SOX6: variants seen among roughly 807,000 people sequenced by gnomAD.
SOX6 encodes SRY-box transcription factor 6.
SOX6 carries 11 observed loss-of-function variants against 97.8 expected under a neutral mutation model. That is an observed-to-expected ratio of 0.11 (90% CI 0.07 to 0.19). SOX6 has a LOEUF of 0.19. Ranked by LOEUF, SOX6 falls within the 10% of genes least tolerant of loss-of-function variation. The pLI, the probability that SOX6 is intolerant of heterozygous loss-of-function variation, is 1.00. For missense variants in SOX6, 810 were observed against 1,039.5 expected, an observed-to-expected ratio of 0.78 and a Z score of 3.04; for synonymous variants, 360 against 371.4, an observed-to-expected ratio of 0.97 and a Z score of 0.35.
chr11:16,249,004 G>A (rs1853425963), intron 3 of SOX6, among the ~76,000 whole-genome samples: 1 of 151,902 alleles, frequency 6.6e-6, no homozygotes, highest in African/African-American at 2.4e-5. Context: ...GGGAAGCTGA[G>A]GCAGGAAAAT....
intron 2 of SOX6, among the ~76,000 whole-genome samples, chr11:16,731,854 A>G (rs1848352743): frequency 6.6e-6 from 1 of 152,226 alleles, no homozygotes; most frequent in African/African-American, 2.4e-5. Context: ...CCAACATCTC[A>G]GCCCAAAATC....
chr11:16,107,271 T>C (rs563052276), intron 7 of SOX6, among the ~76,000 whole-genome samples: 1 of 151,690 alleles, frequency 6.6e-6, no homozygotes, highest in Non-Finnish European at 1.5e-5. Flanking sequence ...GTGGGGACTC[T>C]AACAAACATT....
intron 3 of SOX6, among the ~76,000 whole-genome samples, chr11:16,707,679 G>A (rs1489666158): frequency 6.6e-6 from 1 of 152,128 alleles, no homozygotes; most frequent in Non-Finnish European, 1.5e-5. Context: ...AATTCATGTT[G>A]ATGCAGTCTA....
intron 3 of SOX6, among the ~76,000 whole-genome samples, chr11:16,302,557 T>G (rs865986397): frequency 7.3e-6 from 1 of 136,454 alleles, no homozygotes; most frequent in Admixed American, 7.6e-5. Flanking sequence ...CATTTTTTTT[T>G]CTTTTTTTCT....
chr11:15,975,191 T>C (rs1287822898), intron 15 of SOX6, among the ~76,000 whole-genome samples: 2 of 152,224 alleles, frequency 1.3e-5, no homozygotes, highest in African/African-American at 2.4e-5. Context: ...AATCTATGTA[T>C]AGAAACATCA....
At chr11:16,289,236 T>A (rs1435519900) in intron 3 of SOX6, among the ~76,000 whole-genome samples, 1 of 151,946 alleles carries the variant, frequency 6.6e-6, no homozygotes, top group African/African-American at 2.4e-5. Flanking sequence ...CAAGATGACC[T>A]ATTAGGGAAT....
At chr11:16,465,459 G>C (rs1565154608) in intron 1 of SOX6, among the ~76,000 whole-genome samples, 1 of 151,668 alleles carries the variant, frequency 6.6e-6, no homozygotes, top group East Asian at 1.9e-4. Flanking sequence ...TATAATAATG[G>C]AAAAAAATAC....
At chr11:16,127,869 T>C (rs938139139) in intron 6 of SOX6, among the ~76,000 whole-genome samples, 3 of 152,170 alleles carry the variant, frequency 2.0e-5, no homozygotes, top group Non-Finnish European at 2.9e-5. Context: ...TTATGTATGA[T>C]ATATGCCCAA....
chr11:16,544,241 T>C (rs1847588558), intron 4 of SOX6, among the ~76,000 whole-genome samples: 1 of 151,976 alleles, frequency 6.6e-6, no homozygotes, highest in Admixed American at 6.6e-5. Context: ...GCTTAAAAAG[T>C]AGTTTTGGGT....
At chr11:16,472,439 A>G (rs993593423) in intron 1 of SOX6, among the ~76,000 whole-genome samples, 1 of 152,164 alleles carries the variant, frequency 6.6e-6, no homozygotes, top group African/African-American at 2.4e-5. Context: ...AAGATACTTT[A>G]TATTTCTTTC....
At chr11:16,658,577 G>A (rs968248834) in intron 3 of SOX6, among the ~76,000 whole-genome samples, 1 of 151,930 alleles carries the variant, frequency 6.6e-6, no homozygotes, top group Non-Finnish European at 1.5e-5. Flanking sequence ...GCGTGGTGGC[G>A]GGCACCTGTA....
At chr11:16,309,678 T>G (rs1167632487) in intron 3 of SOX6, among the ~76,000 whole-genome samples, 1 of 152,136 alleles carries the variant, frequency 6.6e-6, no homozygotes, top group Non-Finnish European at 1.5e-5. Flanking sequence ...ACATATCAAA[T>G]ATTACATAAT....
chr11:15,992,137 A>G (rs1035974442), intron 13 of SOX6, among the ~76,000 whole-genome samples: 2 of 152,242 alleles, frequency 1.3e-5, no homozygotes, highest in Non-Finnish European at 2.9e-5. Context: ...GGAGAAGAAT[A>G]GAAAATGCTT....
At chr11:16,284,904 A>C (rs543217710) in intron 3 of SOX6, among the ~76,000 whole-genome samples, 1 of 152,134 alleles carries the variant, frequency 6.6e-6, no homozygotes, top group Non-Finnish European at 1.5e-5. Flanking sequence ...AATGAAACAC[A>C]TGTCCTAAGG....
At chr11:15,974,124 AT>A (rs1853393841) in intron 15 of SOX6, among the ~76,000 whole-genome samples, 1 of 152,144 alleles carries the variant, frequency 6.6e-6, no homozygotes, top group Non-Finnish European at 1.5e-5. Context: ...TCAAGTTGTC[AT>A]TGTAACTATC....
chr11:16,562,899 T>C (rs1418904797), intron 4 of SOX6, among the ~76,000 whole-genome samples: 1 of 152,118 alleles, frequency 6.6e-6, no homozygotes, highest in Non-Finnish European at 1.5e-5. Context: ...AACTTCCATA[T>C]CCATCTAGCA....
intron 6 of SOX6, among the ~76,000 whole-genome samples, chr11:16,137,120 C>T (rs772423401): frequency 6.6e-6 from 1 of 152,128 alleles, no homozygotes; most frequent in Non-Finnish European, 1.5e-5. Flanking sequence ...AAGAATTGTA[C>T]AAAGTGTTTG....
intron 1 of SOX6, among the ~76,000 whole-genome samples, chr11:16,352,845 T>C (rs968055563): frequency 1.3e-5 from 2 of 151,976 alleles, no homozygotes; most frequent in Non-Finnish European, 1.5e-5. Context: ...GAGAGAAACA[T>C]AGAGCAGGTA....
At chr11:16,497,679 T>A (rs1860625397) in intron 4 of SOX6, among the ~76,000 whole-genome samples, 1 of 152,128 alleles carries the variant, frequency 6.6e-6, no homozygotes, top group African/African-American at 2.4e-5. Flanking sequence ...TGCACAAGCC[T>A]AAGTAGCCGA....
Sources: allele counts gnomAD v4.1 joint callset (sites outside exome capture counted in the v4.1 genomes callset), GRCh38; gene constraint gnomAD v4.1.1; transcripts MANE v1.5; gene names NCBI Gene and HGNC (gene_info 2026-07-23, HGNC 2026-07-21).